RTL8B: variants seen among roughly 807,000 people sequenced by gnomAD.
RTL8B encodes retrotransposon Gag-like protein 8B.
RTL8B carries 5 observed loss-of-function variants against 4.4 expected under a neutral mutation model. That is an observed-to-expected ratio of 1.13 (90% confidence interval 0.59 to 2.37). The LOEUF is 2.37. RTL8B is among the 30% of genes most tolerant of loss of function. The probability of loss-of-function intolerance (pLI) is 0.01; values close to 1 mark genes in which losing one functional copy is unlikely to be tolerated. For missense variants in RTL8B, 82 were observed against 99.2 expected (o/e 0.83, Z 0.74); for synonymous variants, 31 against 44.2 (o/e 0.70, Z 1.19).
Position 135,021,781 on chromosome X carries a change from C to A in RTL8B, c.*337G>T, listed in dbSNP as rs2083267458. The A allele has an allele frequency of 3.7e-6, 4 of 1,075,388 alleles. No homozygotes were observed. Among genetic ancestry groups the A allele is most frequent in the African/African-American group, 1.9e-5 (1 of 53,559 alleles). 88.6% of individuals were successfully genotyped at this position (1,075,388 alleles called of 1,213,427 possible). A position where few individuals can be genotyped will look rare whatever the true frequency, so the allele number is the denominator to read the frequency against. Reference sequence around the variant, plus strand: ...GGAGGAGGGGGGTTGGCAGCGGCGGCTGTCAGTGGTCTGTCAGTGTGTAAC... The same window carrying A: ...GGAGGAGGGGGGTTGGCAGCGGCGGATGTCAGTGGTCTGTCAGTGTGTAAC... On this transcript the variant is annotated 3_prime_UTR_variant, in exon 1 of 1. Transcript: ENST00000391440.
Position 135,021,650 on chromosome X carries a change from C to T in RTL8B, c.*468G>A. The T allele has an allele frequency of 3.0e-6, 3 of 987,249 alleles. No individual in the cohort carries two copies. Among genetic ancestry groups the T allele is most frequent in the Non-Finnish European group, 4.0e-6 (3 of 758,289 alleles). The allele number at this position is 987,249 out of a possible 1,213,427, so 81.4% of individuals were successfully genotyped here. A position where few individuals can be genotyped will look rare whatever the true frequency, so the allele number is the denominator to read the frequency against. ...AGCCCAGATACCTCCGAGGTGAGTA[C>T]AGATCACTAGAAGCAGCAGTCTGTC... On this transcript the variant is annotated 3_prime_UTR_variant, in exon 1 of 1. Transcript: ENST00000391440.
At position 135,022,261 on chromosome X, in the gene RTL8B, A is replaced by G; in HGVS notation, c.199T>C (p.Phe67Leu). The G allele has an allele frequency of 8.3e-7, 1 of 1,212,032 alleles. No homozygotes were observed. Among genetic ancestry groups the G allele is most frequent in the East Asian group, 3.0e-5 (1 of 33,826 alleles). The change falls in exon 1 of 1, where the codon TTC (phenylalanine) becomes CTC (leucine). Residue 67 changes from phenylalanine (F) to leucine (L), a missense_variant. Coordinates refer to ENST00000391440, the MANE Select transcript of RTL8B (RefSeq NM_001078173.2). The part of the protein sequence containing the change: ...TFSNDALKVT[F>L]LITRLTGPAL... ...GGCCCCGTGAGGCGGGTGATGAGGAACGTCACCTTCAGGGCGTCGTTGGAG... is the reference window on the plus strand; with the variant it reads ...GGCCCCGTGAGGCGGGTGATGAGGAGCGTCACCTTCAGGGCGTCGTTGGAG...
rs1323585724 is a variant in RTL8B, at chrX:135,021,795, T to TC, written c.*322dup. ...GGCAGCGGCGGCTGTCAGTGGTCTG[T>TC]CAGTGTGTAACAGGAGCTCAGCTTT... On this transcript the variant is annotated 3_prime_UTR_variant, in exon 1 of 1. Coordinates refer to ENST00000391440, the MANE Select transcript of RTL8B (RefSeq NM_001078173.2). 3.7e-6 allele frequency: 4 copies of TC among 1,093,058 alleles called. No homozygotes were observed. Among genetic ancestry groups the TC allele is most frequent in the Non-Finnish European group, 4.8e-6 (4 of 825,894 alleles). The allele number at this position is 1,093,058 out of a possible 1,213,427, so 90.1% of individuals were successfully genotyped here. A position where few individuals can be genotyped will look rare whatever the true frequency, so the allele number is the denominator to read the frequency against.
At position 135,022,466 on chromosome X, in the gene RTL8B, G is replaced by A. The variant is rs1329410223; in HGVS notation, c.-7C>T. On this transcript the variant is annotated 5_prime_UTR_variant, in exon 1 of 1. Coordinates refer to ENST00000391440, the MANE Select transcript of RTL8B (RefSeq NM_001078173.2). ...GCTGCACTCGACCTTCCATCGCGCC[G>A]CGCTGGCTCCGCTGAGTTTAGCTGA... The A allele has an allele frequency of 1.7e-6, 2 of 1,206,265 alleles. No homozygotes were observed. The highest frequency in any genetic ancestry group is 4.4e-5 in the Admixed American group (2 of 45,676).
rs953117866 is a variant in RTL8B at position 135,021,671 on chromosome X, C to G, written c.*447G>C. On this transcript the variant is annotated 3_prime_UTR_variant, in exon 1 of 1. Coordinates refer to ENST00000391440, the MANE Select transcript of RTL8B (RefSeq NM_001078173.2). ...AGTACAGATCACTAGAAGCAGCAGT[C>G]TGTCGGTGGAATGCGATGGATGGCG... 4.0e-6 allele frequency: 4 copies of G among 992,106 alleles called. No individual in the cohort carries two copies. The highest frequency in any genetic ancestry group is 2.0e-5 in the African/African-American group (1 of 50,604). 81.8% of individuals were successfully genotyped at this position (992,106 alleles called of 1,213,427 possible).
In RTL8B at chrX:135,022,248, C is replaced by G. The variant is rs372787435; in HGVS notation, c.212G>C (p.Arg71Pro). The G allele has an allele frequency of 7.4e-6, 9 of 1,210,668 alleles. No homozygotes were observed. The East Asian group carries it at 2.4e-4, about 32-fold the overall frequency. The part of the protein sequence containing the change: ...DALKVTFLIT[R>P]LTGPALQWVI... The stretch of plus-strand genomic sequence containing the variant: ...CCACTGCAGGGCGGGCCCCGTGAGG[C>G]GGGTGATGAGGAACGTCACCTTCAG... The change falls in exon 1 of 1, where the codon CGC becomes CCC. Residue 71 changes from arginine to proline, a missense_variant. Coordinates refer to ENST00000391440, the MANE Select transcript of RTL8B (RefSeq NM_001078173.2).
rs763593498 is a variant in RTL8B at position 135,022,180 on chromosome X, A to C, written c.280T>G (p.Tyr94Asp). The change falls in exon 1 of 1, where the codon TAC becomes GAC. Residue 94 changes from tyrosine to aspartate, a missense_variant. Physicochemically the swap from Tyr to Asp is radical, Grantham distance 160. Transcript: ENST00000391440. Reference sequence around the variant, plus strand: ...TTCATCTCAGCCAGGAAGCCCCGGTAATCACTGAGGAGGGGGCTCTCCTTC... The same window carrying C: ...TTCATCTCAGCCAGGAAGCCCCGGTCATCACTGAGGAGGGGGCTCTCCTTC... Reference protein sequence around the residue: ...IKKESPLLSDYRGFLAEMKRV... With the variant: ...IKKESPLLSDDRGFLAEMKRV... The C allele has an allele frequency of 5.0e-6, 6 of 1,211,889 alleles. No individual in the cohort carries two copies. The Admixed American group carries it at 1.3e-4, about 26-fold the overall frequency.
rs368528922 is a variant in RTL8B at position 135,022,241 on chromosome X, C to G, written c.219G>C (p.Thr73=). The G allele has an allele frequency of 8.3e-7, 1 of 1,212,093 alleles. No individual in the cohort carries two copies. Among genetic ancestry groups the G allele is most frequent in the Non-Finnish European group, 1.1e-6 (1 of 895,528 alleles). ...GGATCACCCACTGCAGGGCGGGCCC[C>G]GTGAGGCGGGTGATGAGGAACGTCA... ...LKVTFLITRL[T]GPALQWVIPY... Residue 73 remains threonine (T), a synonymous_variant, in exon 1 of 1, where the codon ACG becomes ACC. Coordinates refer to ENST00000391440, the MANE Select transcript of RTL8B (RefSeq NM_001078173.2).
In RTL8B at chrX:135,021,112, T is replaced by A. The variant is rs961694693; in HGVS notation, c.*1006A>T. 2 of 132,835 alleles carry A rather than the reference T, an allele frequency of 1.5e-5. No individual in the cohort carries two copies. Among genetic ancestry groups the A allele is most frequent in the Non-Finnish European group, 3.0e-5 (2 of 66,160 alleles). The allele number at this position is 132,835 out of a possible 1,213,427, so 10.9% of individuals were successfully genotyped here. A position where few individuals can be genotyped will look rare whatever the true frequency, so the allele number is the denominator to read the frequency against. On this transcript the variant is annotated 3_prime_UTR_variant, in exon 1 of 1. Coordinates refer to ENST00000391440, the MANE Select transcript of RTL8B (RefSeq NM_001078173.2). The stretch of plus-strand genomic sequence containing the variant: ...GGATTCAACATCTGGGACAGAAGGA[T>A]CACCAGTGGGGACACTATCCCCCAG...
rs941889294 is a variant in RTL8B at position 135,021,002 on chromosome X, C to T, written c.*1116G>A. 8.9e-6 allele frequency: 1 copy of T among 112,448 alleles called. No individual in the cohort carries two copies. Among genetic ancestry groups the T allele is most frequent in the South Asian group, 3.7e-4 (1 of 2,707 alleles). 9.3% of individuals were successfully genotyped at this position (112,448 alleles called of 1,213,427 possible). ...TGAGGATACATTTTCCAAGAGCCTG[C>T]TGGCTGACTTCTCACATAGTGTTGA... On this transcript the variant is annotated 3_prime_UTR_variant, in exon 1 of 1. Coordinates refer to ENST00000391440, the MANE Select transcript of RTL8B (RefSeq NM_001078173.2).
chrX:135,022,106 G>T lies in RTL8B; in HGVS notation c.*12C>A, dbSNP rs1569476451. ...CCAGAGCACCGGTCCCCAGGCCCGA[G>T]GGTCTCCCGGCCTAGAAGTCCTCGT... On this transcript the variant is annotated 3_prime_UTR_variant, in exon 1 of 1. Coordinates refer to ENST00000391440, the MANE Select transcript of RTL8B (RefSeq NM_001078173.2). 1 of 1,211,853 alleles carries T rather than the reference G, an allele frequency of 8.3e-7. No homozygotes were observed. The highest frequency in any genetic ancestry group is 3.0e-5 in the East Asian group (1 of 33,796).
In RTL8B at chrX:135,022,534, G is replaced by C; in HGVS notation, c.-75C>G. 2 of 1,163,484 alleles carry C rather than the reference G, an allele frequency of 1.7e-6. No individual in the cohort carries two copies. The highest frequency in any genetic ancestry group is 2.3e-6 in the Non-Finnish European group (2 of 872,602). ...CGGGGGCTGCACCGAGGCGTAGCGG[G>C]AAGTGCATGTCGCGGGAGGAGAAGC... On this transcript the variant is annotated 5_prime_UTR_variant, in exon 1 of 1. Coordinates refer to ENST00000391440, the MANE Select transcript of RTL8B (RefSeq NM_001078173.2).
At position 135,022,523 on chromosome X, in the gene RTL8B, A is replaced by G. The variant is rs1370606127; in HGVS notation, c.-64T>C. 8.6e-7 allele frequency: 1 copy of G among 1,167,029 alleles called. No homozygotes were observed. The highest frequency in any genetic ancestry group is 1.1e-6 in the Non-Finnish European group (1 of 874,093). On this transcript the variant is annotated 5_prime_UTR_variant, in exon 1 of 1. Coordinates refer to ENST00000391440, the MANE Select transcript of RTL8B (RefSeq NM_001078173.2). ...CTGGGCTTCGCCGGGGGCTGCACCG[A>G]GGCGTAGCGGGAAGTGCATGTCGCG...
In RTL8B at chrX:135,022,131, T is replaced by C. The variant is rs373951330; in HGVS notation, c.329A>G (p.Asp110Gly). 1.7e-6 allele frequency: 2 copies of C among 1,209,858 alleles called. No homozygotes were observed. The highest frequency in any genetic ancestry group is 3.5e-5 in the African/African-American group (2 of 57,087). ...GGGTCTCCCGGCCTAGAAGTCCTCG[T>C]CCTCCTCCCATCCAAAGACCCGCTT... ...EMKRVFGWEEDEDF is the reference protein window; with the variant it reads ...EMKRVFGWEEGEDF The change falls in exon 1 of 1, where the codon GAC (aspartate) becomes GGC (glycine). Residue 110 changes from aspartate to glycine, a missense_variant. Coordinates refer to ENST00000391440, the MANE Select transcript of RTL8B (RefSeq NM_001078173.2).
chrX:135,021,905 G>A lies in RTL8B; in HGVS notation c.*213C>T, dbSNP rs915158852. The A allele has an allele frequency of 8.7e-7, 1 of 1,154,655 alleles. No individual in the cohort carries two copies. The highest frequency in any genetic ancestry group is 1.8e-5 in the African/African-American group (1 of 55,699). ...GAGGGCGGAGGCAGCCCGCTCCAGAGTGAGGCCCAGGGGCGGCAGCAGGAG... is the reference window on the plus strand; with the variant it reads ...GAGGGCGGAGGCAGCCCGCTCCAGAATGAGGCCCAGGGGCGGCAGCAGGAG... On this transcript the variant is annotated 3_prime_UTR_variant, in exon 1 of 1. Transcript: ENST00000391440.
At position 135,022,489 on chromosome X, in the gene RTL8B, T is replaced by G. The variant is rs183112708; in HGVS notation, c.-30A>C. On this transcript the variant is annotated 5_prime_UTR_variant, in exon 1 of 1. Coordinates refer to ENST00000391440, the MANE Select transcript of RTL8B (RefSeq NM_001078173.2). ...CCGCGCTGGCTCCGCTGAGTTTAGC[T>G]GAGCTGCGCTGGGCTTCGCCGGGGG... 5,642 of 1,196,275 alleles carry G rather than the reference T, an allele frequency of 4.7e-3. 12 individuals are homozygous for G. Among genetic ancestry groups the G allele is most frequent in the Non-Finnish European group, 5.8e-3 (5,110 of 887,912 alleles).
Position 135,022,114 on chromosome X carries a change from C to T in RTL8B, c.*4G>A. 1.7e-6 allele frequency: 2 copies of T among 1,211,788 alleles called. No homozygotes were observed. The highest frequency in any genetic ancestry group is 2.2e-6 in the Non-Finnish European group (2 of 895,472). On this transcript the variant is annotated 3_prime_UTR_variant, in exon 1 of 1. Transcript: ENST00000391440. ...CCGGTCCCCAGGCCCGAGGGTCTCCCGGCCTAGAAGTCCTCGTCCTCCTCC... is the reference window on the plus strand; with the variant it reads ...CCGGTCCCCAGGCCCGAGGGTCTCCTGGCCTAGAAGTCCTCGTCCTCCTCC...
At position 135,021,909 on chromosome X, in the gene RTL8B, G is replaced by C. The variant is rs946586101; in HGVS notation, c.*209C>G. 4 of 1,153,649 alleles carry C rather than the reference G, an allele frequency of 3.5e-6. No individual in the cohort carries two copies. The highest frequency in any genetic ancestry group is 4.6e-6 in the Non-Finnish European group (4 of 867,360). On this transcript the variant is annotated 3_prime_UTR_variant, in exon 1 of 1. Transcript: ENST00000391440. ...GCGGAGGCAGCCCGCTCCAGAGTGAGGCCCAGGGGCGGCAGCAGGAGCCTG... is the reference window on the plus strand; with the variant it reads ...GCGGAGGCAGCCCGCTCCAGAGTGACGCCCAGGGGCGGCAGCAGGAGCCTG...
rs2083264085 is a variant in RTL8B at position 135,020,643 on chromosome X, A to C, written c.*1475T>G. The C allele has an allele frequency of 8.9e-6, 1 of 111,901 alleles. No homozygotes were observed. The highest frequency in any genetic ancestry group is 1.9e-5 in the Non-Finnish European group (1 of 53,210). 9.2% of individuals were successfully genotyped at this position (111,901 alleles called of 1,213,427 possible). A position where few individuals can be genotyped will look rare whatever the true frequency, so the allele number is the denominator to read the frequency against. On this transcript the variant is annotated 3_prime_UTR_variant, in exon 1 of 1. Coordinates refer to ENST00000391440, the MANE Select transcript of RTL8B (RefSeq NM_001078173.2). ...AAACATTTCCCTTATTGTGCATGGA[A>C]AATAACAAAAAATTTTTTTACCCAA...
Sources: allele counts gnomAD v4.1 joint callset, GRCh38; gene constraint gnomAD v4.1.1; transcripts MANE v1.5; gene names NCBI Gene and HGNC (gene_info 2026-07-23, HGNC 2026-07-21).